Variants in GRIP1 observed in about 807,000 individuals in gnomAD.
The protein encoded by GRIP1 is glutamate receptor interacting protein 1, also known as glutamate receptor-interacting protein 1.
Under a neutral mutation model 129.9 loss-of-function variants are expected in GRIP1, and 45 were observed. The observed-to-expected ratio is 0.35, with a 90% CI of 0.27 to 0.44. The LOEUF is 0.44. Among genes scored for constraint, GRIP1 ranks in the 20% least tolerant of loss-of-function variants. GRIP1 has a pLI of 1.00. For synonymous variants in GRIP1, 530 were observed against 520.8 expected (o/e 1.02, Z -0.24); for missense variants, 1,196 against 1,396.8 (o/e 0.86, Z 2.29).
chr12:66,953,273 G>C (rs556857441), intron 1 of GRIP1, among the ~76,000 whole-genome samples: 1 of 152,290 alleles, frequency 6.6e-6, no homozygotes, highest in East Asian at 1.9e-4. Context: ...GGCTATGAAG[G>C]AAAAGGATAA....
chr12:66,999,444 C>T (rs1045057723), intron 1 of GRIP1, among the ~76,000 whole-genome samples: 3 of 152,162 alleles, frequency 2.0e-5, no homozygotes, highest in African/African-American at 7.2e-5. Flanking sequence ...AAAGCCCATG[C>T]ACTCAACAAT....
chr12:66,827,679 C>T (rs558035983), intron 1 of GRIP1, among the ~76,000 whole-genome samples: 1 of 152,142 alleles, frequency 6.6e-6, no homozygotes, highest in East Asian at 1.9e-4. Context: ...GAAGATTCAA[C>T]TTTAGTGCAA....
intron 1 of GRIP1, among the ~76,000 whole-genome samples, chr12:66,829,441 G>C (rs7971255): frequency 6.6e-6 from 1 of 152,096 alleles, no homozygotes; most frequent in South Asian, 2.1e-4. Context: ...AGAACTCTAA[G>C]AGAAACAATA....
chr12:67,069,011 A>AC, intron 1 of GRIP1: 3 of 732,994 alleles, frequency 4.1e-6, no homozygotes, highest in Non-Finnish European at 3.3e-6. Context: ...CCCGGCCCGG[A>AC]CCCCTGCCCT....
At chr12:66,882,173 T>C (rs17780358) in intron 1 of GRIP1, among the ~76,000 whole-genome samples, 33,381 of 147,912 alleles carry the variant, frequency 0.23, 4,214 homozygotes, top group East Asian at 0.3. Context: ...TTGAGCCCTA[T>C]TGCCCGTGCC....
chr12:66,573,403 G>A (rs751235769), intron 2 of GRIP1, among the ~76,000 whole-genome samples: 38 of 152,116 alleles, frequency 2.5e-4, no homozygotes, highest in Non-Finnish European at 4.9e-4. Flanking sequence ...GATAATAAAC[G>A]TGTATTGTTT....
intron 2 of GRIP1, among the ~76,000 whole-genome samples, chr12:66,587,426 T>C (rs537007222): frequency 1.3e-5 from 2 of 152,364 alleles, no homozygotes; most frequent in East Asian, 3.9e-4. Context: ...CACTAGTTCA[T>C]TTCCCTTTAT....
intron 16 of GRIP1, among the ~76,000 whole-genome samples, chr12:66,405,649 G>A (rs2057164152): frequency 1.3e-5 from 2 of 152,100 alleles, no homozygotes; most frequent in African/African-American, 2.4e-5. Flanking sequence ...AAAGCAACAT[G>A]GGGCATGACT....
At chr12:66,410,375 T>C (rs923987354) in intron 15 of GRIP1, among the ~76,000 whole-genome samples, 45 of 147,304 alleles carry the variant, frequency 3.1e-4, no homozygotes, top group Non-Finnish European at 6.4e-4. Context: ...CTCACGCCTA[T>C]AATCCCAGCA....
At chr12:66,382,699 G>A (rs1306515316) in intron 19 of GRIP1, among the ~76,000 whole-genome samples, 10 of 152,054 alleles carry the variant, frequency 6.6e-5, no homozygotes, top group Non-Finnish European at 1.5e-4. Context: ...TAAACACTTG[G>A]GTGTCTCTTA....
intron 6 of GRIP1, 78 bp downstream of exon 6, chr12:66,517,823 A>T: frequency 1.2e-6 from 1 of 800,060 alleles, no homozygotes; most frequent in Non-Finnish European, 2.2e-6. Context: ...TAAAATTTCT[A>T]ATTTATCAAC....
chr12:66,690,861 A>G (rs1437237192), intron 1 of GRIP1, among the ~76,000 whole-genome samples: 1 of 151,666 alleles, frequency 6.6e-6, no homozygotes, highest in African/African-American at 2.4e-5. Context: ...TGAGCTCAGG[A>G]GTTTGAAGCT....
chr12:66,739,748 T>TA (rs76377499), intron 1 of GRIP1, among the ~76,000 whole-genome samples: 10,159 of 135,170 alleles, frequency 0.075, 443 homozygotes, highest in Admixed American at 0.15. Flanking sequence ...TAAAATAAAA[T>TA]AAAAAAAAAA....
chr12:66,962,956 G>C (rs2041943958), intron 1 of GRIP1, among the ~76,000 whole-genome samples: 3 of 152,132 alleles, frequency 2.0e-5, no homozygotes, highest in African/African-American at 7.2e-5. Context: ...GGTTGATCTA[G>C]AAAGCTGCAA....
At chr12:66,458,508 C>T (rs1486456332) in intron 9 of GRIP1, among the ~76,000 whole-genome samples, 1 of 152,176 alleles carries the variant, frequency 6.6e-6, no homozygotes, top group Non-Finnish European at 1.5e-5. Flanking sequence ...CCTCACCCTA[C>T]CCAGTAGCTG....
At chr12:66,993,285 T>C (rs1285483844) in intron 1 of GRIP1, among the ~76,000 whole-genome samples, 2 of 151,908 alleles carry the variant, frequency 1.3e-5, no homozygotes, top group African/African-American at 4.8e-5. Context: ...AACCTTCTAC[T>C]TTAAGACACT....
chr12:66,863,855 C>G (rs1219006473), intron 1 of GRIP1, among the ~76,000 whole-genome samples: 1 of 152,146 alleles, frequency 6.6e-6, no homozygotes, highest in Non-Finnish European at 1.5e-5. Context: ...TGTCTCCTCA[C>G]AGACCCATAG....
chr12:66,609,814 A>T (rs915292395), intron 1 of GRIP1, among the ~76,000 whole-genome samples: 1 of 152,184 alleles, frequency 6.6e-6, no homozygotes, highest in Non-Finnish European at 1.5e-5. Context: ...AAACATCTAG[A>T]ATAAAAGAAA....
At chr12:66,789,454 A>G (rs73329249) in intron 1 of GRIP1, among the ~76,000 whole-genome samples, 5,499 of 152,304 alleles carry the variant, frequency 0.036, 251 homozygotes, top group African/African-American at 0.11. Context: ...TTATCAACTT[A>G]TAAGATGGCT....
Sources: allele counts gnomAD v4.1 joint callset (sites outside exome capture counted in the v4.1 genomes callset), GRCh38; gene constraint gnomAD v4.1.1; transcripts MANE v1.5; gene names NCBI Gene and HGNC (gene_info 2026-07-23, HGNC 2026-07-21).